Variants in USP37 observed in about 807,000 individuals in gnomAD.
USP37 encodes the protein ubiquitin specific peptidase 37.
A neutral mutation model predicts 124.0 loss-of-function variants in USP37; 27 were observed. The ratio of observed to expected loss-of-function variants is 0.22; its 90% CI spans 0.16 to 0.30. USP37 has a LOEUF of 0.30. Among genes scored for constraint, USP37 ranks in the 10% least tolerant of loss-of-function variants. The pLI is 1.00. For synonymous variants in USP37, 365 were observed against 388.0 expected (o/e 0.94, Z 0.70); for missense variants, 889 against 1,140.4 (o/e 0.78, Z 3.17).
At chr2:218,457,215 A>G in intron 23 of USP37, 54 bp from the exon 24 acceptor site, 2 of 1,485,874 alleles carry the variant, frequency 1.3e-6, no homozygotes, top group Non-Finnish European at 1.9e-6. Flanking sequence ...TAAAAGCAAA[A>G]CACTGAATAT....
chr2:218,541,281 T>C (rs1691957987), intron 8 of USP37, among the ~76,000 whole-genome samples: 1 of 152,166 alleles, frequency 6.6e-6, no homozygotes, highest in Admixed American at 6.5e-5. Flanking sequence ...TTTGAGCTCC[T>C]CATGCAGGCA....
At position 218,491,142 on chromosome 2, in the gene USP37, G is replaced by A. The variant is rs554894454; in HGVS notation, c.1473-2721C>T. Reference sequence around the variant, plus strand: ...TCTTGCCTCAGCCTCCCAAAGTGCTGGGATTACAGGCATGAGCCACCATGC... The same window carrying A: ...TCTTGCCTCAGCCTCCCAAAGTGCTAGGATTACAGGCATGAGCCACCATGC... On this transcript the variant is annotated intron_variant, in intron 14 of 25. Transcript: ENST00000258399. Among the ~76,000 whole-genome samples, 5 of 152,312 alleles carry A rather than the reference G, an allele frequency of 3.3e-5. No homozygotes were observed. In the East Asian group the frequency reaches 7.7e-4, roughly 23 times the overall value.
In USP37 at chr2:218,451,079, C is replaced by G. The variant is rs1689465274; in HGVS notation, c.*3851G>C. 1 of 152,054 alleles carries G rather than the reference C, an allele frequency of 6.6e-6. No homozygotes were observed. The highest frequency in any genetic ancestry group is 2.1e-4 in the South Asian group (1 of 4,816). The allele number at this position is 152,054 out of a possible 1,614,324, so 9.4% of individuals were successfully genotyped here. ...TTCCAATAAAAAATATATATTTTTT[C>G]AGATGTTAATAAGACATATCAGTAG... is the stretch of plus-strand genomic sequence containing the variant. On this transcript the variant is annotated 3_prime_UTR_variant, in exon 26 of 26. Coordinates refer to ENST00000258399, the MANE Select transcript of USP37 (RefSeq NM_020935.3).
chr2:218,500,467 G>A (rs928951214), intron 11 of USP37, among the ~76,000 whole-genome samples: 1 of 151,820 alleles, frequency 6.6e-6, no homozygotes, highest in Non-Finnish European at 1.5e-5. Flanking sequence ...ATGTTGATCA[G>A]GTTTGTCTTG....
At chr2:218,462,883 T>C (rs1478190309) in intron 22 of USP37, among the ~76,000 whole-genome samples, 2 of 152,092 alleles carry the variant, frequency 1.3e-5, no homozygotes, top group Non-Finnish European at 2.9e-5. Context: ...TATTCAAATT[T>C]GTTATCAAAA....
intron 8 of USP37, among the ~76,000 whole-genome samples, chr2:218,536,184 T>C (rs1691636327): frequency 6.6e-6 from 1 of 152,166 alleles, no homozygotes; most frequent in Non-Finnish European, 1.5e-5. Flanking sequence ...TTAAAAGCCC[T>C]TTTCTCCCCT....
At chr2:218,566,045 A>G (rs1419332464) in intron 1 of USP37, among the ~76,000 whole-genome samples, 3 of 152,162 alleles carry the variant, frequency 2.0e-5, no homozygotes, top group African/African-American at 4.8e-5. Context: ...CAAAAACTCC[A>G]TCTCAAAAAA....
intron 20 of USP37, among the ~76,000 whole-genome samples, chr2:218,472,506 C>G (rs371402439): frequency 1.3e-5 from 2 of 151,768 alleles, no homozygotes; most frequent in African/African-American, 2.4e-5. Context: ...TCTTGTTGCC[C>G]AGGATGAAGT....
At chr2:218,564,286 C>T (rs1693467477) in intron 1 of USP37, among the ~76,000 whole-genome samples, 1 of 152,192 alleles carries the variant, frequency 6.6e-6, no homozygotes. Context: ...ATTTACTAAG[C>T]AGTGCTAAAT....
intron 10 of USP37, among the ~76,000 whole-genome samples, chr2:218,516,781 C>A (rs1182186924): frequency 6.6e-6 from 1 of 151,612 alleles, no homozygotes; most frequent in Non-Finnish European, 1.5e-5. Context: ...TCAAGGTACC[C>A]CCCCTAGTGG....
chr2:218,548,895 T>C lies in USP37; in HGVS notation c.429+914A>G, dbSNP rs141792627. On this transcript the variant is annotated intron_variant, in intron 6 of 25. Coordinates refer to ENST00000258399, the MANE Select transcript of USP37 (RefSeq NM_020935.3). ...TGTTAACACTTATGCATTTAAATAA[T>C]ATTTCAACAATTTAAATTCCAAGGA... Among the ~76,000 whole-genome samples the C allele has an allele frequency of 4.6e-5, 7 of 152,290 alleles. No homozygotes were observed. The East Asian group carries it at 1.3e-3, about 29-fold the overall frequency.
chr2:218,460,067 G>C (rs1221334084), intron 22 of USP37, among the ~76,000 whole-genome samples, 162 bp from the exon 23 acceptor site: 3 of 116,860 alleles, frequency 2.6e-5, no homozygotes. Flanking sequence ...ATGGGGTAGA[G>C]AAACTCCATC....
chr2:218,497,203 TG>T (rs1272478259), intron 13 of USP37, among the ~76,000 whole-genome samples: 1 of 151,918 alleles, frequency 6.6e-6, no homozygotes, highest in Non-Finnish European at 1.5e-5. Flanking sequence ...CCTGAGTAGC[TG>T]GGATTACAGG....
intron 10 of USP37, among the ~76,000 whole-genome samples, chr2:218,517,068 CT>C (rs1184216162): frequency 1.3e-5 from 2 of 152,166 alleles, no homozygotes; most frequent in African/African-American, 2.4e-5. Context: ...CCCTACACCC[CT>C]GTGAGAAACA....
chr2:218,467,531 T>G (rs1690419229), intron 20 of USP37, among the ~76,000 whole-genome samples: 1 of 152,146 alleles, frequency 6.6e-6, no homozygotes, highest in Non-Finnish European at 1.5e-5. Flanking sequence ...GTATTTTTAG[T>G]AGAGACGGGG....
intron 10 of USP37, among the ~76,000 whole-genome samples, chr2:218,526,830 CCAGGCTGGAGTG>C (rs1009430821): frequency 8.3e-6 from 1 of 119,856 alleles, no homozygotes; most frequent in African/African-American, 3.3e-5. Flanking sequence ...GCTCTGTCGC[CCAGGCTGGAGTG>C]CAGTGGCGCG....
intron 1 of USP37, among the ~76,000 whole-genome samples, chr2:218,567,514 C>T (rs471846): frequency 0.46 from 70,558 of 152,094 alleles, 19,535 homozygotes; most frequent in East Asian, 0.78. Context: ...CAACTGCCTA[C>T]TTGACATTCC....
chr2:218,484,849 A>T (rs985267021), intron 16 of USP37, among the ~76,000 whole-genome samples: 1 of 152,222 alleles, frequency 6.6e-6, no homozygotes, highest in Non-Finnish European at 1.5e-5. Flanking sequence ...GGTGTTTGCG[A>T]TCTATTCTTG....
Position 218,498,103 on chromosome 2 carries a change from A to C in USP37, c.1080T>G (p.Phe360Leu). 1 of 1,606,348 alleles carries C rather than the reference A, an allele frequency of 6.2e-7. No homozygotes were observed. The highest frequency in any genetic ancestry group is 8.5e-7 in the Non-Finnish European group (1 of 1,178,230). The change falls in exon 12 of 26, where the codon TTT becomes TTG. Residue 360 changes from phenylalanine (F) to leucine (L), a missense_variant. Phe to Leu is a conservative substitution (Grantham distance 22). This residue lies in a region of USP37 where 11 missense variants were observed against 40.1 expected (regional missense o/e 0.27). Transcript: ENST00000258399. ...AGTCATTTGCAAATGACTGGAGTGA[A>C]AATAGAGATTGTAGAATAGCATTCA... The part of the protein sequence containing the change: ...CYMNAILQSL[F>L]SLQSFANDLL...
Sources: gnomAD v4.1 joint callset for allele counts (sites outside exome capture counted in the v4.1 genomes callset) on GRCh38, gnomAD v4.1.1 for gene constraint, gnomAD v4.1.1 regional missense constraint, MANE v1.5 for transcripts, NCBI Gene and HGNC (gene_info 2026-07-23, HGNC 2026-07-21) for gene names.